The following FAM8A1 variants were observed in gnomAD, a reference collection of about 807,000 sequenced individuals.
The protein encoded by FAM8A1 is protein FAM8A1.
FAM8A1 carries 18 observed loss-of-function variants against 38.3 expected under a neutral mutation model. The ratio of observed to expected loss-of-function variants is 0.47; its 90% confidence interval spans 0.33 to 0.70. FAM8A1 has a LOEUF of 0.70. FAM8A1 is among the 30% of genes least tolerant of loss of function. The pLI is 0.03. For synonymous variants in FAM8A1, 246 were observed against 234.4 expected (o/e 1.05, Z -0.45); for missense variants, 559 against 559.6 (o/e 1.00, Z 0.01).
intron 4 of FAM8A1, among the ~76,000 whole-genome samples, chr6:17,607,731 G>C (rs1360061951): frequency 2.0e-5 from 3 of 152,134 alleles, no homozygotes; most frequent in Non-Finnish European, 2.9e-5. Flanking sequence ...ATTGTTGAAA[G>C]CTTTTAAAAG....
intron 4 of FAM8A1, 150 bp from the exon 5 acceptor site, chr6:17,608,045 C>T: frequency 1.2e-6 from 1 of 837,796 alleles, no homozygotes; most frequent in Non-Finnish European, 1.8e-6. Context: ...AAAATTCTCT[C>T]AACTATACCT....
In FAM8A1 at chr6:17,600,928, C is replaced by A; in HGVS notation, c.519C>A (p.Asn173Lys). Residue 173 changes from asparagine to lysine, a missense_variant, in exon 1 of 5, where the codon AAC becomes AAA. Transcript: ENST00000259963. ...APPPPQLGYY[N>K]PFYFLSPGAA... ...CGCCCCCGCAGCTGGGCTATTACAACCCCTTCTACTTCCTGAGCCCCGGGG... is the reference window on the plus strand; with the variant it reads ...CGCCCCCGCAGCTGGGCTATTACAAACCCTTCTACTTCCTGAGCCCCGGGG... 6.3e-7 allele frequency: 1 copy of A among 1,593,580 alleles called. No individual in the cohort carries two copies.
At chr6:17,607,269 A>C (rs1333963251) in intron 4 of FAM8A1, among the ~76,000 whole-genome samples, 8 of 148,534 alleles carry the variant, frequency 5.4e-5, no homozygotes, top group African/African-American at 1.2e-4. Flanking sequence ...AAAAAAAAAA[A>C]AAAACAAAAC....
Position 17,609,524 on chromosome 6 carries a change from G to C in FAM8A1, c.*1185G>C, listed in dbSNP as rs781175375. On this transcript the variant is annotated 3_prime_UTR_variant, in exon 5 of 5. Coordinates refer to ENST00000259963, the MANE Select transcript of FAM8A1 (RefSeq NM_016255.3). ...CATTTTGGGTCTGCTAAAGTTTGGG[G>C]GGAAATGTTACGCAAAGTGATACTG... is the stretch of plus-strand genomic sequence containing the variant. The C allele has an allele frequency of 1.3e-5, 2 of 152,078 alleles. No individual in the cohort carries two copies. Among genetic ancestry groups the C allele is most frequent in the Non-Finnish European group, 2.9e-5 (2 of 67,998 alleles). 9.4% of individuals were successfully genotyped at this position (152,078 alleles called of 1,614,324 possible). A position where few individuals can be genotyped will look rare whatever the true frequency, so the allele number is the denominator to read the frequency against.
In FAM8A1 at chr6:17,605,135, C is replaced by G. The variant is rs1167686923; in HGVS notation, c.957+106C>G. ...TCGCTCTGTCACCCAGGCTGGAGTG[C>G]AGTGGTGTGATCTTGGCTCACTGCA... On this transcript the variant is annotated intron_variant, in intron 3 of 4. Transcript: ENST00000259963. 3.9e-6 allele frequency: 4 copies of G among 1,034,610 alleles called. No homozygotes were observed. In the African/African-American group the frequency reaches 6.7e-5, roughly 17 times the overall value. 64.1% of individuals were successfully genotyped at this position (1,034,610 alleles called of 1,614,324 possible). A position where few individuals can be genotyped will look rare whatever the true frequency, so the allele number is the denominator to read the frequency against.
chr6:17,600,795 T>A lies in FAM8A1; in HGVS notation c.386T>A (p.Leu129His), dbSNP rs1432727623. 3 of 1,610,974 alleles carry A rather than the reference T, an allele frequency of 1.9e-6. No homozygotes were observed. Among genetic ancestry groups the A allele is most frequent in the Non-Finnish European group, 2.5e-6 (3 of 1,179,672 alleles). Residue 129 changes from leucine to histidine, a missense_variant, in exon 1 of 5, where the codon CTC becomes CAC. Leu to His is a moderately conservative substitution (Grantham distance 99). Around this residue, in one of 2 missense-constraint regions of FAM8A1, gnomAD observed 393 missense variants for 338.9 expected, o/e 1.16. Coordinates refer to ENST00000259963, the MANE Select transcript of FAM8A1 (RefSeq NM_016255.3). Reference protein sequence around the residue: ...EWLWQSYCGYLTWHSGLAAFP... With the variant: ...EWLWQSYCGYHTWHSGLAAFP... Reference sequence around the variant, plus strand: ...CTGTGGCAGTCCTACTGCGGCTACCTCACCTGGCACAGCGGCCTGGCCGCC... The same window carrying A: ...CTGTGGCAGTCCTACTGCGGCTACCACACCTGGCACAGCGGCCTGGCCGCC...
At chr6:17,608,156 A>ATG (rs747512572) in intron 4 of FAM8A1, 39 bp from the exon 5 acceptor site, 2 of 1,607,882 alleles carry the variant, frequency 1.2e-6, no homozygotes, top group Admixed American at 3.3e-5. Context: ...ATGTGGTTTG[A>ATG]TGTGTAACTT....
Position 17,608,134 on chromosome 6 carries a change from C to T in FAM8A1, c.1098-61C>T. 4 of 1,548,526 alleles carry T rather than the reference C, an allele frequency of 2.6e-6. No individual in the cohort carries two copies. The South Asian group carries it at 3.5e-5, about 13-fold the overall frequency. On this transcript the variant is annotated intron_variant, in intron 4 of 4. Transcript: ENST00000259963. ...TGTCTATTTTGAACTTGATGGGATACCATTAATCTATATGTGGTTTGATGT... is the reference window on the plus strand; with the variant it reads ...TGTCTATTTTGAACTTGATGGGATATCATTAATCTATATGTGGTTTGATGT...
chr6:17,600,475 C>T lies in FAM8A1; in HGVS notation c.66C>T (p.His22=). The T allele has an allele frequency of 4.0e-6, 6 of 1,513,452 alleles. No individual in the cohort carries two copies. The highest frequency in any genetic ancestry group is 4.4e-6 in the Non-Finnish European group (5 of 1,133,828). 93.8% of individuals were successfully genotyped at this position (1,513,452 alleles called of 1,614,324 possible). A position where few individuals can be genotyped will look rare whatever the true frequency, so the allele number is the denominator to read the frequency against. Residue 22 remains histidine (H), a synonymous_variant, in exon 1 of 5, where the codon CAC becomes CAT. Coordinates refer to ENST00000259963, the MANE Select transcript of FAM8A1 (RefSeq NM_016255.3). ...GGCAGGACGATGGCGGAGGGGACCA[C>T]GAGCCCGTCCCTTCCCTGAGAGGCC... ...PPGQDDGGGD[H]EPVPSLRGPP...
chr6:17,602,493 C>G (rs1763998133), intron 1 of FAM8A1, 97 bp from the exon 2 acceptor site: 5 of 1,221,562 alleles, frequency 4.1e-6, no homozygotes, highest in Admixed American at 2.4e-5. Context: ...TTAAGTTGTA[C>G]CTTGACTTTC....
chr6:17,610,426 CTGTAT>C lies in FAM8A1; in HGVS notation c.*2088_*2092del, dbSNP rs1219690089. The C allele has an allele frequency of 6.6e-6, 1 of 152,110 alleles. No individual in the cohort carries two copies. The highest frequency in any genetic ancestry group is 2.4e-5 in the African/African-American group (1 of 41,422). 9.4% of individuals were successfully genotyped at this position (152,110 alleles called of 1,614,324 possible). A position where few individuals can be genotyped will look rare whatever the true frequency, so the allele number is the denominator to read the frequency against. On this transcript the variant is annotated 3_prime_UTR_variant, in exon 5 of 5. Coordinates refer to ENST00000259963, the MANE Select transcript of FAM8A1 (RefSeq NM_016255.3). Reference sequence around the variant, plus strand: ...CCAACCATGGATTCGAGGTATTATACTGTATAACCCTACAAAATACATAGAAGTAT... The same window carrying C: ...CCAACCATGGATTCGAGGTATTATACAACCCTACAAAATACATAGAAGTAT...
chr6:17,600,897 C>T lies in FAM8A1; in HGVS notation c.488C>T (p.Ala163Val). ...GGCGCTGCAGTCCCCCAGGCCGCGG[C>T]GCCGCCGCCCCCGCAGCTGGGCTAT... is the stretch of plus-strand genomic sequence containing the variant. ...SGGAAVPQAA[A>V]PPPPQLGYYN... is the part of the protein sequence containing the mutation. Residue 163 changes from alanine to valine, a missense_variant, in exon 1 of 5, where the codon GCG becomes GTG. By Grantham distance (64) the Ala-to-Val change is moderately conservative. Transcript: ENST00000259963. 1 of 1,584,542 alleles carries T rather than the reference C, an allele frequency of 6.3e-7. No individual in the cohort carries two copies. The highest frequency in any genetic ancestry group is 8.5e-7 in the Non-Finnish European group (1 of 1,169,626).
At chr6:17,602,254 C>G (rs1393813674) in intron 1 of FAM8A1, among the ~76,000 whole-genome samples, 1 of 152,236 alleles carries the variant, frequency 6.6e-6, no homozygotes, top group Non-Finnish European at 1.5e-5. Context: ...CCAGACTGGT[C>G]TCGAACTCCT....
rs1039034664 is a variant in FAM8A1 at position 17,609,188 on chromosome 6, A to G, written c.*849A>G. Reference sequence around the variant, plus strand: ...TGTGGGGAGAAATCACCTCCATCAAACAGTTGCATATTTACTGTAAAAGTA... The same window carrying G: ...TGTGGGGAGAAATCACCTCCATCAAGCAGTTGCATATTTACTGTAAAAGTA... On this transcript the variant is annotated 3_prime_UTR_variant, in exon 5 of 5. Coordinates refer to ENST00000259963, the MANE Select transcript of FAM8A1 (RefSeq NM_016255.3). 1.3e-5 allele frequency: 2 copies of G among 152,162 alleles called. No homozygotes were observed. The highest frequency in any genetic ancestry group is 4.8e-5 in the African/African-American group (2 of 41,442). The allele number at this position is 152,162 out of a possible 1,614,324, so 9.4% of individuals were successfully genotyped here. A position where few individuals can be genotyped will look rare whatever the true frequency, so the allele number is the denominator to read the frequency against.
Position 17,609,222 on chromosome 6 carries a change from A to G in FAM8A1, c.*883A>G, listed in dbSNP as rs1381049132. 2.0e-5 allele frequency: 3 copies of G among 152,132 alleles called. No homozygotes were observed. The highest frequency in any genetic ancestry group is 1.3e-4 in the Admixed American group (2 of 15,268). 9.4% of individuals were successfully genotyped at this position (152,132 alleles called of 1,614,324 possible). A position where few individuals can be genotyped will look rare whatever the true frequency, so the allele number is the denominator to read the frequency against. On this transcript the variant is annotated 3_prime_UTR_variant, in exon 5 of 5. Transcript: ENST00000259963. ...TATTTACTGTAAAAGTATTCCCAGT[A>G]TGTGTGCAGCATGAAGAAAGTATTA... is the stretch of plus-strand genomic sequence containing the variant.
chr6:17,602,094 G>A lies in FAM8A1; in HGVS notation c.713-496G>A, dbSNP rs1763993021. On this transcript the variant is annotated intron_variant, in intron 1 of 4. Coordinates refer to ENST00000259963, the MANE Select transcript of FAM8A1 (RefSeq NM_016255.3). ...CGCCCAGCCTGGATAGTGCAGTGGC[G>A]ATCTTGGCTCCCTGCAGCCTCCGCC... Among the ~76,000 whole-genome samples the A allele has an allele frequency of 2.0e-5, 3 of 152,214 alleles. No individual in the cohort carries two copies. In the South Asian group the frequency reaches 6.2e-4, roughly 31 times the overall value.
In FAM8A1 at chr6:17,610,679, A is replaced by G. The variant is rs1010826211; in HGVS notation, c.*2340A>G. ...CTTATAGACCTGATTTTCTGTGTCAAAGTATAATTCTCATGCTGAAGCTGT... is the reference window on the plus strand; with the variant it reads ...CTTATAGACCTGATTTTCTGTGTCAGAGTATAATTCTCATGCTGAAGCTGT... On this transcript the variant is annotated 3_prime_UTR_variant, in exon 5 of 5. Transcript: ENST00000259963. The G allele has an allele frequency of 5.3e-5, 8 of 152,168 alleles. No individual in the cohort carries two copies. Among genetic ancestry groups the G allele is most frequent in the African/African-American group, 1.9e-4 (8 of 41,452 alleles). The allele number at this position is 152,168 out of a possible 1,614,324, so 9.4% of individuals were successfully genotyped here. A position where few individuals can be genotyped will look rare whatever the true frequency, so the allele number is the denominator to read the frequency against.
rs1425891705 is a variant in FAM8A1 at position 17,610,174 on chromosome 6, G to A, written c.*1835G>A. 1 of 151,984 alleles carries A rather than the reference G, an allele frequency of 6.6e-6. No homozygotes were observed. The highest frequency in any genetic ancestry group is 2.4e-5 in the African/African-American group (1 of 41,418). 9.4% of individuals were successfully genotyped at this position (151,984 alleles called of 1,614,324 possible). On this transcript the variant is annotated 3_prime_UTR_variant, in exon 5 of 5. Coordinates refer to ENST00000259963, the MANE Select transcript of FAM8A1 (RefSeq NM_016255.3). ...TAGCATTAGTTTATACACCACTTTT[G>A]CCGCTGGGGAATTCAAGTTGAAATG... is the stretch of plus-strand genomic sequence containing the variant.
chr6:17,607,468 C>CTATCTGTATACTATAGGTAG (rs1554134088), intron 4 of FAM8A1, among the ~76,000 whole-genome samples: 85 of 141,606 alleles, frequency 6.0e-4, no homozygotes, highest in African/African-American at 2.2e-3. Flanking sequence ...TAGGTAGTCT[C>CTATCTGTATACTATAGGTAG]TATCTATATA....
Sources: gnomAD v4.1 joint callset for allele counts (sites outside exome capture counted in the v4.1 genomes callset) on GRCh38, gnomAD v4.1.1 for gene constraint, gnomAD v4.1.1 regional missense constraint, MANE v1.5 for transcripts, NCBI Gene and HGNC (gene_info 2026-07-23, HGNC 2026-07-21) for gene names.